The following NME7 variants were observed in gnomAD, a reference collection of about 807,000 sequenced individuals.
NME7 encodes NME/NM23 family member 7.
NME7 carries 41 observed loss-of-function variants against 49.1 expected under a neutral mutation model. That is an observed-to-expected ratio of 0.83 (90% CI 0.65 to 1.08). The LOEUF (loss-of-function observed/expected upper bound fraction) is 1.08. Among genes scored for constraint, NME7 ranks in the 50% least tolerant of loss-of-function variants. The probability of loss-of-function intolerance (pLI) is 0.00; values close to 1 mark genes in which losing one functional copy is unlikely to be tolerated. For missense variants in NME7, 423 were observed against 463.4 expected (o/e 0.91, Z 0.80); for synonymous variants, 139 against 150.6 (o/e 0.92, Z 0.56).
At chr1:169,171,658 G>A (rs1056576125) in intron 10 of NME7, among the ~76,000 whole-genome samples, 3 of 152,024 alleles carry the variant, frequency 2.0e-5, no homozygotes, top group Non-Finnish European at 2.9e-5. Flanking sequence ...AGCTACTTGG[G>A]GGGCTGAGGC....
At position 169,149,362 on chromosome 1, in the gene NME7, TA is replaced by T. The variant is rs561824015; in HGVS notation, c.1099-16546del. ...TCTCAAAAATAATAAAAAAATAAAA[TA>T]AATAATATTTAACTAAGAGAAGTTA... On this transcript the variant is annotated intron_variant, in intron 11 of 11. Transcript: ENST00000367811. 4.8e-3 allele frequency among the ~76,000 whole-genome samples: 732 copies of T among 152,092 alleles called. 7 individuals are homozygous for T. The highest frequency in any genetic ancestry group is 0.017 in the African/African-American group (689 of 41,516).
intron 6 of NME7, among the ~76,000 whole-genome samples, chr1:169,297,369 A>AT (rs1345182364): frequency 6.6e-6 from 1 of 152,086 alleles, no homozygotes; most frequent in African/African-American, 2.4e-5. Flanking sequence ...ATGGCTCTCT[A>AT]TTTTTTCAGA....
chr1:169,157,667 TAACAACCCTTGGCTAC>T (rs1054743260), intron 11 of NME7, among the ~76,000 whole-genome samples: 1 of 152,174 alleles, frequency 6.6e-6, no homozygotes, highest in Admixed American at 6.5e-5. Context: ...GTTGGAAGTG[TAACAACCCTTGGCTAC>T]AATTAAATCC....
At chr1:169,169,066 C>T in intron 11 of NME7, 1 of 466,524 alleles carries the variant, frequency 2.1e-6, no homozygotes, top group Non-Finnish European at 4.2e-6. Context: ...AAATGTATGC[C>T]AACCAGAAAA....
rs956415542 is a variant in NME7 at position 169,309,959 on chromosome 1, A to T, written c.389+11T>A. On this transcript the variant is annotated intron_variant, in intron 4 of 11. Coordinates refer to ENST00000367811, the MANE Select transcript of NME7 (RefSeq NM_013330.5). ...CAGACATTACATAACTGAAAATGAT[A>T]AAAAAATTACCTTGAAAGCATCATC... 7 of 1,378,914 alleles carry T rather than the reference A, an allele frequency of 5.1e-6. No homozygotes were observed. Among genetic ancestry groups the T allele is most frequent in the Non-Finnish European group, 6.9e-6 (7 of 1,014,258 alleles). 85.4% of individuals were successfully genotyped at this position (1,378,914 alleles called of 1,614,324 possible).
In NME7 at chr1:169,178,978, A is replaced by G. The variant is rs184070619; in HGVS notation, c.991-9424T>C. Among the ~76,000 whole-genome samples the G allele has an allele frequency of 5.5e-3, 829 of 151,910 alleles. 7 individuals carry two copies. Among genetic ancestry groups the G allele is most frequent in the African/African-American group, 0.019 (792 of 41,452 alleles). ...TGGGATTACAGGCATGTGCCACCAC[A>G]CCCGGCTAATTTTTGTATTTTTAGT... is the stretch of plus-strand genomic sequence containing the variant. On this transcript the variant is annotated intron_variant, in intron 10 of 11. Transcript: ENST00000367811.
chr1:169,144,884 A>G (rs1658704844), intron 11 of NME7, among the ~76,000 whole-genome samples: 1 of 152,220 alleles, frequency 6.6e-6, no homozygotes, highest in Admixed American at 6.5e-5. Flanking sequence ...AGCCTAAGGT[A>G]TCAATGTCAG....
chr1:169,310,035 T>G lies in NME7; in HGVS notation c.324A>C (p.Glu108Asp), dbSNP rs763169292. The G allele has an allele frequency of 7.5e-6, 12 of 1,609,754 alleles. No individual in the cohort carries two copies. In the South Asian group the frequency reaches 1.1e-4, roughly 15 times the overall value. The change falls in exon 4 of 12, where the codon GAA becomes GAC. Residue 108 changes from glutamate (E) to aspartate (D), a missense_variant. Glu to Asp is a conservative substitution (Grantham distance 45). Transcript: ENST00000367811. ...CAGCTTTGTTTATTATTTCAATTAT[T>G]TCTCCAGCCTTTGATATTGCATCTG... ...IKPDAISKAG[E>D]IIEIINKAGF... is the part of the protein sequence containing the mutation.
chr1:169,163,055 G>T (rs1659296196), intron 11 of NME7, among the ~76,000 whole-genome samples: 1 of 152,148 alleles, frequency 6.6e-6, no homozygotes, highest in African/African-American at 2.4e-5. Flanking sequence ...AAGGTAAAGT[G>T]AAAGGCAAAG....
At chr1:169,356,358 C>T (rs561100179) in intron 1 of NME7, among the ~76,000 whole-genome samples, 1 of 152,142 alleles carries the variant, frequency 6.6e-6, no homozygotes, top group African/African-American at 2.4e-5. Flanking sequence ...GGACAGAGAG[C>T]AACTGGAGTT....
At chr1:169,272,524 T>G (rs2101875461) in intron 7 of NME7, among the ~76,000 whole-genome samples, 1 of 122,982 alleles carries the variant, frequency 8.1e-6, no homozygotes, top group East Asian at 2.3e-4. Flanking sequence ...CAGCTGCCAC[T>G]GGTAAGTGAA....
chr1:169,324,526 A>C (rs773777942), intron 1 of NME7, 26 bp from the exon 2 acceptor site: 2 of 1,375,464 alleles, frequency 1.5e-6, no homozygotes. Flanking sequence ...GAAGAATTTT[A>C]ACACTAACAT....
chr1:169,283,473 T>C (rs1650123178), intron 7 of NME7, among the ~76,000 whole-genome samples: 1 of 152,212 alleles, frequency 6.6e-6, no homozygotes, highest in Non-Finnish European at 1.5e-5. Flanking sequence ...TAGTTGTGAA[T>C]TTGATCCTGT....
chr1:169,174,044 G>C (rs930170748), intron 10 of NME7, among the ~76,000 whole-genome samples: 1 of 152,104 alleles, frequency 6.6e-6, no homozygotes, highest in Non-Finnish European at 1.5e-5. Context: ...TGCATGCTGA[G>C]TCCCATCAAG....
chr1:169,242,816 A>C (rs1306653435), intron 7 of NME7, among the ~76,000 whole-genome samples: 1 of 151,728 alleles, frequency 6.6e-6, no homozygotes, highest in African/African-American at 2.4e-5. Flanking sequence ...TAGCATTTAT[A>C]ATCACTCAAA....
intron 11 of NME7, 99 bp downstream of exon 11, chr1:169,169,348 A>C (rs191762336): frequency 1.0e-6 from 1 of 996,996 alleles, no homozygotes; most frequent in East Asian, 2.4e-5. Context: ...TAGAACTTGA[A>C]GTATAACAAT....
At position 169,287,296 on chromosome 1, in the gene NME7, A is replaced by C; in HGVS notation, c.754+7T>G. 6.2e-7 allele frequency: 1 copy of C among 1,600,160 alleles called. No individual in the cohort carries two copies. Among genetic ancestry groups the C allele is most frequent in the Non-Finnish European group, 8.6e-7 (1 of 1,168,114 alleles). The stretch of plus-strand genomic sequence containing the variant: ...AAAATGTACTGAATATAGTGTATTC[A>C]ACATACCTTCACTGACAGCATGGGG... On this transcript the variant is annotated splice_region_variant and intron_variant, in intron 7 of 11. Coordinates refer to ENST00000367811, the MANE Select transcript of NME7 (RefSeq NM_013330.5).
At chr1:169,223,442 C>A (rs1443724765) in intron 10 of NME7, among the ~76,000 whole-genome samples, 1 of 151,694 alleles carries the variant, frequency 6.6e-6, no homozygotes, top group African/African-American at 2.4e-5. Flanking sequence ...TAATTAATTA[C>A]TATTTGTCTA....
intron 1 of NME7, among the ~76,000 whole-genome samples, chr1:169,335,579 T>G (rs1652427079): frequency 6.6e-6 from 1 of 151,282 alleles, no homozygotes; most frequent in Non-Finnish European, 1.5e-5. Flanking sequence ...GAAGGGAACT[T>G]AGGGGACGAG....
Sources: gnomAD v4.1 joint callset for allele counts (sites outside exome capture counted in the v4.1 genomes callset) on GRCh38, gnomAD v4.1.1 for gene constraint, MANE v1.5 for transcripts, NCBI Gene and HGNC (gene_info 2026-07-23, HGNC 2026-07-21) for gene names.